CPED1: variants seen among roughly 807,000 people sequenced by gnomAD.
The protein encoded by CPED1 is cadherin-like and PC-esterase domain-containing protein 1.
A neutral mutation model predicts 128.2 loss-of-function variants in CPED1; 114 were observed. The observed-to-expected ratio is 0.89, with a 90% CI of 0.76 to 1.04. CPED1 has a LOEUF of 1.04. CPED1 is among the 50% of genes least tolerant of loss of function. CPED1 has a pLI of 0.00. For synonymous variants in CPED1, 462 were observed against 426.7 expected (o/e 1.08, Z -1.02); for missense variants, 1,211 against 1,207.1 (o/e 1.00, Z -0.05).
chr7:121,212,285 C>A (rs906827213), intron 16 of CPED1, among the ~76,000 whole-genome samples: 1 of 151,978 alleles, frequency 6.6e-6, no homozygotes, highest in African/African-American at 2.4e-5. Context: ...GACTGAATTG[C>A]AAGCTAACAT....
intron 22 of CPED1, among the ~76,000 whole-genome samples, chr7:121,291,652 T>TA (rs1394571134): frequency 6.6e-6 from 1 of 152,250 alleles, no homozygotes; most frequent in Non-Finnish European, 1.5e-5. Context: ...ATTGATCTTG[T>TA]ATCCTGAGAT....
At chr7:121,168,459 A>G (rs1796582419) in intron 16 of CPED1, among the ~76,000 whole-genome samples, 1 of 152,152 alleles carries the variant, frequency 6.6e-6, no homozygotes, top group Admixed American at 6.5e-5. Flanking sequence ...AAATTTTTAA[A>G]TTGTTGTGGG....
In CPED1 at chr7:121,189,785, TATATATATATATAA is replaced by T. The variant is rs1415294206; in HGVS notation, c.2056-46927_2056-46914del. The stretch of plus-strand genomic sequence containing the variant: ...TTATATATATATATATATATATATA[TATATATATATATAA>T]AATTTGTATTTATTGCCTATTTTAT... On this transcript the variant is annotated intron_variant, in intron 16 of 22. Coordinates refer to ENST00000310396, the MANE Select transcript of CPED1 (RefSeq NM_024913.5). Among the ~76,000 whole-genome samples, 96 of 92,380 alleles carry T rather than the reference TATATATATATATAA, an allele frequency of 1.0e-3. 3 individuals carry two copies. The highest frequency in any genetic ancestry group is 2.5e-3 in the African/African-American group (68 of 27,030). 60.6% of individuals were successfully genotyped at this position (92,380 alleles called of 152,430 possible). A position where few individuals can be genotyped will look rare whatever the true frequency, so the allele number is the denominator to read the frequency against.
At chr7:121,039,719 C>G (rs1000052255) in intron 3 of CPED1, among the ~76,000 whole-genome samples, 26 of 151,864 alleles carry the variant, frequency 1.7e-4, no homozygotes, top group African/African-American at 6.3e-4. Flanking sequence ...GGCATGAACA[C>G]CTTTTTAAAA....
At chr7:121,231,165 T>C (rs1050383241) in intron 16 of CPED1, among the ~76,000 whole-genome samples, 1 of 152,014 alleles carries the variant, frequency 6.6e-6, no homozygotes, top group African/African-American at 2.4e-5. Flanking sequence ...CTTCTTTGAG[T>C]TGGTATTTGG....
intron 22 of CPED1, among the ~76,000 whole-genome samples, chr7:121,278,293 G>T (rs1226979833): frequency 6.6e-6 from 1 of 152,144 alleles, no homozygotes; most frequent in Non-Finnish European, 1.5e-5. Context: ...GGCCCCTGAG[G>T]AGCAGGTTGA....
At chr7:120,996,024 A>G (rs1458867835) in intron 2 of CPED1, among the ~76,000 whole-genome samples, 2 of 150,450 alleles carry the variant, frequency 1.3e-5, no homozygotes, top group Middle Eastern at 3.2e-3. Flanking sequence ...CACATCTGTA[A>G]TCCTAGCACT....
chr7:121,047,692 T>TCCTCCTCCTCC (rs1793242303), intron 4 of CPED1, among the ~76,000 whole-genome samples: 1 of 102,902 alleles, frequency 9.7e-6, no homozygotes, highest in African/African-American at 5.0e-5. Context: ...CTTCTTCTTC[T>TCCTCCTCCTCC]TCTTCTTCTT....
chr7:121,244,060 C>G lies in CPED1; in HGVS notation c.2174-142C>G, dbSNP rs534133060. 4.7e-5 allele frequency: 44 copies of G among 937,040 alleles called. No individual in the cohort carries two copies. In the African/African-American group the frequency reaches 6.5e-4, roughly 14 times the overall value. The allele number at this position is 937,040 out of a possible 1,614,324, so 58.0% of individuals were successfully genotyped here. The stretch of plus-strand genomic sequence containing the variant: ...TCTATTTGGTTGGCAGGAAGCCATG[C>G]CTTCATTATTCCACTAGATTTAAAG... On this transcript the variant is annotated intron_variant, in intron 17 of 22. Coordinates refer to ENST00000310396, the MANE Select transcript of CPED1 (RefSeq NM_024913.5).
intron 16 of CPED1, among the ~76,000 whole-genome samples, chr7:121,183,957 T>C (rs933838251): frequency 6.6e-6 from 1 of 152,082 alleles, no homozygotes; most frequent in Non-Finnish European, 1.5e-5. Context: ...CTGGCCAACA[T>C]AGTGAAACCC....
chr7:121,132,577 T>A (rs1795698222), intron 12 of CPED1, among the ~76,000 whole-genome samples: 1 of 152,070 alleles, frequency 6.6e-6, no homozygotes, highest in African/African-American at 2.4e-5. Flanking sequence ...ACAGAATTAG[T>A]GTGAATCTGA....
At chr7:121,033,123 T>C (rs1792780104) in intron 3 of CPED1, among the ~76,000 whole-genome samples, 2 of 152,210 alleles carry the variant, frequency 1.3e-5, no homozygotes, top group Non-Finnish European at 2.9e-5. Context: ...CTAGGTAATA[T>C]GCATACATTT....
chr7:121,236,809 A>T lies in CPED1; in HGVS notation c.2151A>T (p.Arg717Ser), dbSNP rs757568402. ...IEAILQSELKRCPSGDMKGQW... is the reference protein window; with the variant it reads ...IEAILQSELKSCPSGDMKGQW... ...CCATTTTACAGTCTGAACTAAAAAG[A>T]TGTCCATCTGGGGACATGAAAGGTG... The change falls in exon 17 of 23, where the codon AGA becomes AGT. Residue 717 changes from arginine (R) to serine (S), a missense_variant. Coordinates refer to ENST00000310396, the MANE Select transcript of CPED1 (RefSeq NM_024913.5). The T allele has an allele frequency of 1.1e-5, 18 of 1,598,646 alleles. No individual in the cohort carries two copies. The East Asian group carries it at 2.5e-4, about 22-fold the overall frequency.
At chr7:121,062,934 C>T (rs1204027740) in intron 4 of CPED1, 2 of 152,156 alleles carry the variant, frequency 1.3e-5, no homozygotes, top group African/African-American at 2.4e-5. Flanking sequence ...ATGAGGCCTC[C>T]CCAGCCACGT....
At chr7:121,154,749 T>A (rs995408361) in intron 16 of CPED1, among the ~76,000 whole-genome samples, 1 of 152,142 alleles carries the variant, frequency 6.6e-6, no homozygotes, top group Non-Finnish European at 1.5e-5. Context: ...TTTCACCATG[T>A]TGGCCAGGAT....
At chr7:121,281,918 T>C (rs911390608) in intron 22 of CPED1, among the ~76,000 whole-genome samples, 14 of 152,180 alleles carry the variant, frequency 9.2e-5, no homozygotes, top group Admixed American at 6.5e-5. Flanking sequence ...CTTCCTACTT[T>C]AAAACGTACT....
intron 5 of CPED1, among the ~76,000 whole-genome samples, chr7:121,089,787 A>G (rs1794529895): frequency 6.6e-6 from 1 of 152,258 alleles, no homozygotes; most frequent in Non-Finnish European, 1.5e-5. Flanking sequence ...TGTGTTTTAA[A>G]TTGTTATTAA....
chr7:121,106,097 T>G (rs544100920), intron 7 of CPED1, among the ~76,000 whole-genome samples: 1 of 152,234 alleles, frequency 6.6e-6, no homozygotes, highest in East Asian at 1.9e-4. Context: ...CTATCATCCT[T>G]ATTTTAATTA....
chr7:121,089,522 G>C (rs905365604), intron 5 of CPED1, among the ~76,000 whole-genome samples: 1 of 152,128 alleles, frequency 6.6e-6, no homozygotes, highest in African/African-American at 2.4e-5. Context: ...CCTAGTGTTT[G>C]TGTGTTACAT....
Sources: allele counts gnomAD v4.1 joint callset (sites outside exome capture counted in the v4.1 genomes callset), GRCh38; gene constraint gnomAD v4.1.1; transcripts MANE v1.5; gene names NCBI Gene and HGNC (gene_info 2026-07-23, HGNC 2026-07-21).